ENOX1: variants seen among roughly 807,000 people sequenced by gnomAD.
ENOX1 encodes the protein candidate growth-related and time keeping constitutive hydroquinone (NADH) oxidase.
ENOX1 carries 42 observed loss-of-function variants against 82.5 expected under a neutral mutation model. That is an observed-to-expected ratio of 0.51 (90% CI 0.40 to 0.66). The LOEUF (loss-of-function observed/expected upper bound fraction) is 0.66. Among genes scored for constraint, ENOX1 ranks in the 30% least tolerant of loss-of-function variants. ENOX1 has a pLI of 0.00. For missense variants in ENOX1, 608 were observed against 811.6 expected (o/e 0.75, Z 3.05); for synonymous variants, 271 against 282.2 (o/e 0.96, Z 0.40).
intron 12 of ENOX1, among the ~76,000 whole-genome samples, chr13:43,288,821 C>T (rs2045846696): frequency 6.6e-6 from 1 of 151,914 alleles, no homozygotes. Flanking sequence ...TTTTTACATT[C>T]TACATCTAAG....
chr13:43,281,457 A>G (rs2153491120), intron 12 of ENOX1, among the ~76,000 whole-genome samples: 1 of 152,344 alleles, frequency 6.6e-6, no homozygotes, highest in South Asian at 2.1e-4. Context: ...CAGCATGGCC[A>G]TGAATGATAA....
intron 15 of ENOX1, among the ~76,000 whole-genome samples, chr13:43,234,392 T>G (rs2042423898): frequency 6.6e-6 from 1 of 152,158 alleles, no homozygotes; most frequent in African/African-American, 2.4e-5. Flanking sequence ...GGTAGCAAGG[T>G]AATGGATAAC....
chr13:43,383,670 T>G (rs765140216), intron 5 of ENOX1, among the ~76,000 whole-genome samples: 4 of 152,152 alleles, frequency 2.6e-5, no homozygotes, highest in Non-Finnish European at 5.9e-5. Flanking sequence ...CTCCTGCTGC[T>G]GTTGTTTATA....
chr13:43,719,434 G>A lies in ENOX1; in HGVS notation c.-284-51890C>T, dbSNP rs186133033. Among the ~76,000 whole-genome samples the A allele has an allele frequency of 1.8e-4, 27 of 151,600 alleles. No individual in the cohort carries two copies. The East Asian group carries it at 4.9e-3, about 27-fold the overall frequency. On this transcript the variant is annotated intron_variant, in intron 1 of 16. Coordinates refer to ENST00000690772, the MANE Select transcript of ENOX1 (RefSeq NM_001347969.2). ...AGCCTGCCCTTCTGCCTGGTTGCTG[G>A]AGCTGCTCAATGCAGCGCCTGGGCA...
At chr13:43,242,435 C>T (rs976869990) in intron 14 of ENOX1, among the ~76,000 whole-genome samples, 4 of 152,240 alleles carry the variant, frequency 2.6e-5, no homozygotes, top group African/African-American at 4.8e-5. Context: ...CTTTCATTCT[C>T]GTGGGTTCAG....
intron 2 of ENOX1, among the ~76,000 whole-genome samples, chr13:43,512,612 G>A (rs2077409753): frequency 7.5e-6 from 1 of 133,256 alleles, no homozygotes; most frequent in Admixed American, 8.2e-5. Flanking sequence ...AAACCAATGT[G>A]TGTGGGTTTT....
At chr13:43,274,927 C>T (rs1040726501) in intron 12 of ENOX1, among the ~76,000 whole-genome samples, 1 of 152,140 alleles carries the variant, frequency 6.6e-6, no homozygotes, top group South Asian at 2.1e-4. Flanking sequence ...TTATTTGGAG[C>T]CCTAGAATAA....
chr13:43,512,482 T>G (rs2077404643), intron 2 of ENOX1, among the ~76,000 whole-genome samples: 1 of 152,176 alleles, frequency 6.6e-6, no homozygotes, highest in Non-Finnish European at 1.5e-5. Flanking sequence ...ACTTTGCCAA[T>G]GAGCATATAA....
intron 2 of ENOX1, among the ~76,000 whole-genome samples, chr13:43,665,790 T>C (rs946920049): frequency 6.6e-6 from 1 of 151,642 alleles, no homozygotes; most frequent in African/African-American, 2.4e-5. Context: ...AAGAGCTCCC[T>C]GAGGACAAAT....
rs961312328 is a variant in ENOX1 at position 43,738,639 on chromosome 13, T to C, written c.-285+48013A>G. On this transcript the variant is annotated intron_variant, in intron 1 of 16. Coordinates refer to ENST00000690772, the MANE Select transcript of ENOX1 (RefSeq NM_001347969.2). ...AAAGCAAGTAAATGTCCCACAAGCA[T>C]ACCAAGATGGCAACTGATTCTTCCT... Among the ~76,000 whole-genome samples, 5 of 152,208 alleles carry C rather than the reference T, an allele frequency of 3.3e-5. 1 individual carries two copies. Among genetic ancestry groups the C allele is most frequent in the Admixed American group, 2.0e-4 (3 of 15,276 alleles).
intron 2 of ENOX1, among the ~76,000 whole-genome samples, chr13:43,556,387 G>GA (rs2079436787): frequency 6.6e-6 from 1 of 152,172 alleles, no homozygotes; most frequent in Non-Finnish European, 1.5e-5. Flanking sequence ...AGTGAATACT[G>GA]ACACTATTTT....
chr13:43,267,489 T>C (rs1307115424), intron 13 of ENOX1, among the ~76,000 whole-genome samples: 1 of 152,224 alleles, frequency 6.6e-6, no homozygotes, highest in Non-Finnish European at 1.5e-5. Context: ...GGGGCAATCC[T>C]GTGAATAGCA....
chr13:43,412,818 T>C (rs2054213231), intron 4 of ENOX1, 27 bp downstream of exon 4: 1 of 1,611,792 alleles, frequency 6.2e-7, no homozygotes, highest in African/African-American at 1.3e-5. Flanking sequence ...TCCTTGTTTG[T>C]GTCCTGTGCT....
rs533930810 is a variant in ENOX1 at position 43,609,720 on chromosome 13, C to G, written c.-219+57759G>C. On this transcript the variant is annotated intron_variant, in intron 2 of 16. Transcript: ENST00000690772. ...ATGTCATTTTATTTTATTTTCACTT[C>G]CTTGCAGACTCTCATTAAAGCTTGC... Among the ~76,000 whole-genome samples, 4 of 152,262 alleles carry G rather than the reference C, an allele frequency of 2.6e-5. No individual in the cohort carries two copies. The South Asian group carries it at 6.2e-4, about 24-fold the overall frequency.
chr13:43,301,582 CAAA>C (rs34477975), intron 11 of ENOX1, among the ~76,000 whole-genome samples: 3 of 139,988 alleles, frequency 2.1e-5, no homozygotes, highest in Non-Finnish European at 1.5e-5. Context: ...ATTCCCCCAC[CAAA>C]AAAAAAAAAA....
chr13:43,429,225 G>A (rs1455602020), intron 3 of ENOX1, among the ~76,000 whole-genome samples: 2 of 152,128 alleles, frequency 1.3e-5, no homozygotes, highest in South Asian at 2.1e-4. Context: ...GCCTTTTGGA[G>A]GAGCTGAAAG....
intron 2 of ENOX1, among the ~76,000 whole-genome samples, chr13:43,661,930 T>TA (rs1370074609): frequency 5.9e-5 from 9 of 152,198 alleles, no homozygotes; most frequent in African/African-American, 9.6e-5. Context: ...AAGCCAAATG[T>TA]AAAAAAATCC....
At chr13:43,282,245 T>C (rs1422724816) in intron 12 of ENOX1, among the ~76,000 whole-genome samples, 1 of 152,146 alleles carries the variant, frequency 6.6e-6, no homozygotes, top group Non-Finnish European at 1.5e-5. Flanking sequence ...TTTGGTGATT[T>C]ATAAAATACC....
At chr13:43,503,064 T>C (rs941840867) in intron 2 of ENOX1, among the ~76,000 whole-genome samples, 1 of 151,600 alleles carries the variant, frequency 6.6e-6, no homozygotes, top group Non-Finnish European at 1.5e-5. Flanking sequence ...TCTGTTTCTA[T>C]ACATAAACAA....
Sources: allele counts gnomAD v4.1 joint callset (sites outside exome capture counted in the v4.1 genomes callset), GRCh38; gene constraint gnomAD v4.1.1; transcripts MANE v1.5; gene names NCBI Gene and HGNC (gene_info 2026-07-23, HGNC 2026-07-21).